The following OR10A2 variants were observed in gnomAD, a reference collection of about 807,000 sequenced individuals.
OR10A2 encodes olfactory receptor family 10 subfamily A member 2.
Under a neutral mutation model 13.7 loss-of-function variants are expected in OR10A2, and 15 were observed. The observed-to-expected ratio is 1.10, with a 90% CI of 0.73 to 1.69. The LOEUF (loss-of-function observed/expected upper bound fraction) is 1.69, where lower values mean the gene tolerates loss of function less well. Ranked by LOEUF, OR10A2 falls within the 40% of genes most tolerant of loss-of-function variation. OR10A2 has a pLI of 0.00. For missense variants in OR10A2, 343 were observed against 361.1 expected, an observed-to-expected ratio of 0.95 and a Z score of 0.41; for synonymous variants, 145 against 144.7, an observed-to-expected ratio of 1.00 and a Z score of -0.02.
In OR10A2 at chr11:6,870,041, T is replaced by A. The variant is rs1348431216; in HGVS notation, c.287T>A (p.Val96Glu). The change falls in exon 2 of 2, where the codon GTG (valine) becomes GAG (glutamate). Residue 96 changes from valine (V) to glutamate (E), a missense_variant. By Grantham distance (121) the Val-to-Glu change is moderately radical (BLOSUM62 -2). Transcript: ENST00000641461. ...TQMYFFFFFG[V>E]AECFLLATMA... The stretch of plus-strand genomic sequence containing the variant: ...ATGTATTTCTTCTTCTTCTTTGGAG[T>A]GGCTGAATGCTTCCTCCTGGCTACC... 6.2e-7 allele frequency: 1 copy of A among 1,614,078 alleles called. No individual in the cohort carries two copies. Among genetic ancestry groups the A allele is most frequent in the East Asian group, 2.2e-5 (1 of 44,892 alleles).
chr11:6,863,697 A>C (rs1848359524), intron 1 of OR10A2, among the ~76,000 whole-genome samples: 1 of 152,156 alleles, frequency 6.6e-6, no homozygotes, highest in Non-Finnish European at 1.5e-5. Context: ...TCTAAGTAAC[A>C]CAAAAAAGAC....
In OR10A2 at chr11:6,869,654, C is replaced by G; in HGVS notation, c.-101C>G. The stretch of plus-strand genomic sequence containing the variant: ...CGAGTCTGAAAAACAAATTGAGAAT[C>G]TGACTTCCAATCAATAATCTTTCTC... On this transcript the variant is annotated 5_prime_UTR_variant, in exon 2 of 2. It adds an upstream start codon to the 5' untranslated region. Transcript: ENST00000641461. 1 of 1,050,592 alleles carries G rather than the reference C, an allele frequency of 9.5e-7. No homozygotes were observed. The highest frequency in any genetic ancestry group is 1.4e-6 in the Non-Finnish European group (1 of 702,574). 65.1% of individuals were successfully genotyped at this position (1,050,592 alleles called of 1,614,324 possible).
At chr11:6,863,456 G>A (rs1823327) in intron 1 of OR10A2, 105 bp downstream of exon 1, 61,404 of 145,188 alleles carry the variant, frequency 0.42, 13,192 homozygotes, top group Middle Eastern at 0.59. Flanking sequence ...TATGATCAGA[G>A]TTTGGATACC....
chr11:6,870,197 C>T lies in OR10A2; in HGVS notation c.443C>T (p.Thr148Ile), dbSNP rs1848415379. 6.2e-7 allele frequency: 1 copy of T among 1,614,128 alleles called. No homozygotes were observed. Among genetic ancestry groups the T allele is most frequent in the Non-Finnish European group, 8.5e-7 (1 of 1,180,056 alleles). The change falls in exon 2 of 2, where the codon ACA becomes ATA. Residue 148 changes from threonine (T) to isoleucine (I), a missense_variant. Transcript: ENST00000641461. ...PGFPVATVQT[T>I]WLFSFPFCGT... ...TTTCCTGTAGCTACTGTGCAGACCA[C>T]ATGGCTCTTCAGTTTTCCATTCTGT...
chr11:6,865,062 AAT>A (rs1848369490), intron 1 of OR10A2, among the ~76,000 whole-genome samples: 3 of 145,704 alleles, frequency 2.1e-5, no homozygotes, highest in South Asian at 4.2e-4. Context: ...TCTTAAAATG[AAT>A]ATATATTTCT....
chr11:6,864,595 T>C (rs376304129), intron 1 of OR10A2, among the ~76,000 whole-genome samples: 7 of 152,250 alleles, frequency 4.6e-5, no homozygotes, highest in African/African-American at 1.7e-4. Context: ...ACTAATCCTA[T>C]CTGGAAGTAT....
At chr11:6,864,264 A>G (rs1227752940) in intron 1 of OR10A2, among the ~76,000 whole-genome samples, 2 of 152,018 alleles carry the variant, frequency 1.3e-5, no homozygotes, top group Non-Finnish European at 2.9e-5. Flanking sequence ...ACCACATACA[A>G]CACATCTGTC....
At position 6,870,935 on chromosome 11, in the gene OR10A2, G is replaced by T; in HGVS notation, c.*269G>T. The T allele has an allele frequency of 3.6e-6, 1 of 274,722 alleles. No homozygotes were observed. The highest frequency in any genetic ancestry group is 1.2e-4 in the South Asian group (1 of 8,662). The allele number at this position is 274,722 out of a possible 1,614,324, so 17.0% of individuals were successfully genotyped here. On this transcript the variant is annotated 3_prime_UTR_variant, in exon 2 of 2. Coordinates refer to ENST00000641461, the MANE Select transcript of OR10A2 (RefSeq NM_001004460.2). ...GCACTTCTGTGGCCAACTATTTCCA[G>T]GTGTTATATTTCTTTTTTTTTTTTT...
rs895905615 is a variant in OR10A2 at position 6,873,946 on chromosome 11, T to G, written c.*3280T>G. The G allele has an allele frequency of 3.3e-5, 5 of 152,116 alleles. No individual in the cohort carries two copies. Among genetic ancestry groups the G allele is most frequent in the African/African-American group, 1.2e-4 (5 of 41,404 alleles). The allele number at this position is 152,116 out of a possible 1,614,324, so 9.4% of individuals were successfully genotyped here. On this transcript the variant is annotated 3_prime_UTR_variant, in exon 2 of 2. Coordinates refer to ENST00000641461, the MANE Select transcript of OR10A2 (RefSeq NM_001004460.2). ...GTGACACTGAATTAGTGTTTAGGAG[T>G]AAAAATAATCAAATTTGGGGCACAA...
intron 1 of OR10A2, among the ~76,000 whole-genome samples, chr11:6,864,537 T>G (rs1848365354): frequency 6.6e-6 from 1 of 152,158 alleles, no homozygotes; most frequent in African/African-American, 2.4e-5. Flanking sequence ...TAGAAATATC[T>G]GAATAATTAA....
chr11:6,869,652 A>T lies in OR10A2; in HGVS notation c.-103A>T. 9.6e-7 allele frequency: 1 copy of T among 1,040,512 alleles called. No individual in the cohort carries two copies. Among genetic ancestry groups the T allele is most frequent in the Non-Finnish European group, 1.4e-6 (1 of 693,796 alleles). The allele number at this position is 1,040,512 out of a possible 1,614,324, so 64.5% of individuals were successfully genotyped here. ...AACGAGTCTGAAAAACAAATTGAGA[A>T]TCTGACTTCCAATCAATAATCTTTC... On this transcript the variant is annotated 5_prime_UTR_variant, in exon 2 of 2. Coordinates refer to ENST00000641461, the MANE Select transcript of OR10A2 (RefSeq NM_001004460.2).
At chr11:6,863,615 T>C (rs1457392170) in intron 1 of OR10A2, among the ~76,000 whole-genome samples, 2 of 152,100 alleles carry the variant, frequency 1.3e-5, no homozygotes, top group Non-Finnish European at 2.9e-5. Flanking sequence ...CCTCTAAAGT[T>C]TTCTGAGTCA....
rs1188164809 is a variant in OR10A2 at position 6,874,716 on chromosome 11, C to T, written c.*4050C>T. The T allele has an allele frequency of 6.6e-6, 1 of 152,184 alleles. No individual in the cohort carries two copies. The highest frequency in any genetic ancestry group is 2.4e-5 in the African/African-American group (1 of 41,442). 9.4% of individuals were successfully genotyped at this position (152,184 alleles called of 1,614,324 possible). ...GTTGTGAGAATCAAATAAGATAATA[C>T]ATGCAAAACACTTAGAACGGTGTGT... On this transcript the variant is annotated 3_prime_UTR_variant, in exon 2 of 2. Transcript: ENST00000641461.
At chr11:6,867,296 C>G (rs1848386649) in intron 1 of OR10A2, among the ~76,000 whole-genome samples, 1 of 152,110 alleles carries the variant, frequency 6.6e-6, no homozygotes, top group Admixed American at 6.6e-5. Context: ...ACTGCAACCT[C>G]TGCCTCCCCA....
At position 6,870,470 on chromosome 11, in the gene OR10A2, A is replaced by T. The variant is rs190340724; in HGVS notation, c.716A>T (p.Tyr239Phe). 1 of 1,614,112 alleles carries T rather than the reference A, an allele frequency of 6.2e-7. No homozygotes were observed. The highest frequency in any genetic ancestry group is 1.3e-5 in the African/African-American group (1 of 75,020). The change falls in exon 2 of 2, where the codon TAT becomes TTT. Residue 239 changes from tyrosine to phenylalanine, a missense_variant. Transcript: ENST00000641461. ...CACCTCCTTGTTGTCTCTCTTTTCT[A>T]TATATCATTAAGCCTCACCTACTTC... ...SSHLLVVSLF[Y>F]ISLSLTYFRP...
chr11:6,864,415 A>C (rs1214340366), intron 1 of OR10A2, among the ~76,000 whole-genome samples: 1 of 152,204 alleles, frequency 6.6e-6, no homozygotes, highest in East Asian at 1.9e-4. Flanking sequence ...TCAGCTGTCC[A>C]AAAACATGTA....
At position 6,870,267 on chromosome 11, in the gene OR10A2, G is replaced by T; in HGVS notation, c.513G>T (p.Val171=). 6.2e-7 allele frequency: 1 copy of T among 1,614,202 alleles called. No homozygotes were observed. Among genetic ancestry groups the T allele is most frequent in the Non-Finnish European group, 8.5e-7 (1 of 1,180,042 alleles). Residue 171 remains valine (V), a synonymous_variant, in exon 2 of 2, where the codon GTG becomes GTT. Transcript: ENST00000641461. ...VNHFFCDSPP[V]LRLVCADTAL... Reference sequence around the variant, plus strand: ...ACTTCTTCTGTGACAGCCCACCTGTGCTGAGGCTGGTCTGTGCAGACACAG... The same window carrying T: ...ACTTCTTCTGTGACAGCCCACCTGTTCTGAGGCTGGTCTGTGCAGACACAG...
rs906897297 is a variant in OR10A2 at position 6,872,413 on chromosome 11, T to G, written c.*1747T>G. 6.6e-6 allele frequency: 1 copy of G among 152,250 alleles called. No homozygotes were observed. Among genetic ancestry groups the G allele is most frequent in the African/African-American group, 2.4e-5 (1 of 41,466 alleles). 9.4% of individuals were successfully genotyped at this position (152,250 alleles called of 1,614,324 possible). A position where few individuals can be genotyped will look rare whatever the true frequency, so the allele number is the denominator to read the frequency against. ...CATGTAGAAACTGTACATGTACTTA[T>G]TTTTACATGTTTGTCTTCCTCCAAC... On this transcript the variant is annotated 3_prime_UTR_variant, in exon 2 of 2. Coordinates refer to ENST00000641461, the MANE Select transcript of OR10A2 (RefSeq NM_001004460.2).
Position 6,874,683 on chromosome 11 carries a change from C to T in OR10A2, c.*4017C>T, listed in dbSNP as rs1848467897. The T allele has an allele frequency of 6.6e-6, 1 of 152,176 alleles. No individual in the cohort carries two copies. Among genetic ancestry groups the T allele is most frequent in the African/African-American group, 2.4e-5 (1 of 41,444 alleles). The allele number at this position is 152,176 out of a possible 1,614,324, so 9.4% of individuals were successfully genotyped here. The stretch of plus-strand genomic sequence containing the variant: ...AAAATGGGTATAATACTATCTGTAT[C>T]TTCAGGTGTTGTGAGAATCAAATAA... On this transcript the variant is annotated 3_prime_UTR_variant, in exon 2 of 2. Transcript: ENST00000641461.
Sources: gnomAD v4.1 joint callset for allele counts (sites outside exome capture counted in the v4.1 genomes callset) on GRCh38, gnomAD v4.1.1 for gene constraint, MANE v1.5 for transcripts, NCBI Gene and HGNC (gene_info 2026-07-23, HGNC 2026-07-21) for gene names.